DMD: variants seen among roughly 807,000 people sequenced by gnomAD.
DMD encodes mutant dystrophin.
DMD carries 63 observed loss-of-function variants against 330.1 expected under a neutral mutation model. The ratio of observed to expected loss-of-function variants is 0.19; its 90% CI spans 0.16 to 0.24. The LOEUF (loss-of-function observed/expected upper bound fraction) is 0.24. Among genes scored for constraint, DMD ranks in the 10% least tolerant of loss-of-function variants. The probability of loss-of-function intolerance (pLI) is 1.00; values close to 1 mark genes in which losing one functional copy is unlikely to be tolerated. For synonymous variants in DMD, 1,223 were observed against 959.8 expected, an observed-to-expected ratio of 1.27 and a Z score of -5.07; for missense variants, 3,344 against 2,684.1, an observed-to-expected ratio of 1.25 and a Z score of -5.43.
intron 23 of DMD, among the ~76,000 whole-genome samples, chrX:32,465,979 C>A (rs2039985800): frequency 9.0e-6 from 1 of 111,258 alleles, no homozygotes; most frequent in South Asian, 3.8e-4. Flanking sequence ...ACAGTGATGC[C>A]AGTAATCTCC....
chrX:33,196,331 G>T (rs1362506201), intron 1 of DMD, among the ~76,000 whole-genome samples: 1 of 111,319 alleles, frequency 9.0e-6, no homozygotes, highest in Non-Finnish European at 1.9e-5. Flanking sequence ...GACATGAGCA[G>T]ATGCCATACT....
intron 2 of DMD, among the ~76,000 whole-genome samples, chrX:32,887,573 C>A (rs2084730119): frequency 9.5e-6 from 1 of 104,958 alleles, no homozygotes; most frequent in Non-Finnish European, 1.9e-5. Context: ...CATGGCGAAA[C>A]CCCGTCTCTA....
At chrX:33,214,743 T>A (rs992750692), upstream of DMD, among the ~76,000 whole-genome samples, 1 of 111,964 alleles carries the variant, frequency 8.9e-6, no homozygotes, top group African/African-American at 3.2e-5. Flanking sequence ...AGTCTCAAAC[T>A]CCTGGGCTCA....
intron 20 of DMD, among the ~76,000 whole-genome samples, chrX:32,490,628 C>G (rs914394158): frequency 1.8e-5 from 2 of 111,305 alleles, no homozygotes; most frequent in Non-Finnish European, 3.8e-5. Flanking sequence ...TTAAGCCGGC[C>G]ATGCTGCTTT....
At chrX:32,613,473 T>TAGGAAG (rs1008957949) in intron 12 of DMD, among the ~76,000 whole-genome samples, 16 of 110,752 alleles carry the variant, frequency 1.4e-4, no homozygotes, top group African/African-American at 5.2e-4. Context: ...CGAGGGAGCA[T>TAGGAAG]AACTGGAAAT....
At chrX:32,608,187 C>T (rs930883439) in intron 12 of DMD, among the ~76,000 whole-genome samples, 1 of 109,482 alleles carries the variant, frequency 9.1e-6, no homozygotes, top group Non-Finnish European at 1.9e-5. Context: ...AGAATATGGG[C>T]ATGGATTTTA....
chrX:31,493,127 C>T (rs898733163), intron 57 of DMD, among the ~76,000 whole-genome samples: 1 of 111,902 alleles, frequency 8.9e-6, no homozygotes, highest in Non-Finnish European at 1.9e-5. Context: ...GGGAATACCA[C>T]TCTATTCTTT....
intron 48 of DMD, among the ~76,000 whole-genome samples, chrX:31,837,536 G>A (rs931007954): frequency 1.8e-5 from 2 of 112,007 alleles, no homozygotes; most frequent in African/African-American, 6.5e-5. Context: ...AGGAAGTGAA[G>A]TTAAATATTA....
At chrX:32,323,203 ATGAAG>A (rs1230052235) in intron 41 of DMD, among the ~76,000 whole-genome samples, 1 of 112,137 alleles carries the variant, frequency 8.9e-6, no homozygotes, top group Non-Finnish European at 1.9e-5. Flanking sequence ...TAGAGATGAT[ATGAAG>A]TGTTCAGGAG....
At chrX:32,669,956 A>G (rs946472913) in intron 9 of DMD, among the ~76,000 whole-genome samples, 1 of 111,561 alleles carries the variant, frequency 9.0e-6, no homozygotes, top group Non-Finnish European at 1.9e-5. Context: ...CGAAACGAAC[A>G]GTCACAAAAT....
At chrX:32,041,155 C>A (rs2095998682) in intron 44 of DMD, among the ~76,000 whole-genome samples, 1 of 112,213 alleles carries the variant, frequency 8.9e-6, no homozygotes, top group Non-Finnish European at 1.9e-5. Flanking sequence ...CTTGCATTTC[C>A]CGGATGCATT....
intron 2 of DMD, among the ~76,000 whole-genome samples, chrX:32,865,927 A>G: frequency 8.9e-6 from 1 of 112,179 alleles, no homozygotes; most frequent in Non-Finnish European, 1.9e-5. Flanking sequence ...TGTTCTTCTC[A>G]TGAAAAGTTG....
chrX:31,408,683 G>A (rs189803975), intron 60 of DMD, among the ~76,000 whole-genome samples: 6 of 108,959 alleles, frequency 5.5e-5, no homozygotes, highest in Admixed American at 3.9e-4. Context: ...ACAGGCGTGA[G>A]CCACTGCACC....
chrX:31,629,806 A>G (rs1320762570), intron 54 of DMD, among the ~76,000 whole-genome samples: 1 of 112,144 alleles, frequency 8.9e-6, no homozygotes, highest in Admixed American at 9.5e-5. Flanking sequence ...TGTGACCTAT[A>G]AAAGTGGCAG....
intron 7 of DMD, among the ~76,000 whole-genome samples, chrX:32,789,473 A>C (rs1375436942): frequency 1.8e-5 from 2 of 112,013 alleles, no homozygotes; most frequent in African/African-American, 6.5e-5. Flanking sequence ...AGCTTCTAAA[A>C]ATTGCTGATG....
rs1265857191 is a variant in DMD at position 32,890,380 on chromosome X, T to A, written c.94-40560A>T. 3.7e-5 allele frequency among the ~76,000 whole-genome samples: 4 copies of A among 107,457 alleles called. No individual in the cohort carries two copies. The East Asian group carries it at 1.2e-3, about 32-fold the overall frequency. The allele number at this position is 107,457 out of a possible 115,157, so 93.3% of individuals were successfully genotyped here. Reference sequence around the variant, plus strand: ...CCTAGATTCTTAAAGGACTCAAACTTTTCGCGGGGAAGGAAAGGCCAGTCT... The same window carrying A: ...CCTAGATTCTTAAAGGACTCAAACTATTCGCGGGGAAGGAAAGGCCAGTCT... On this transcript the variant is annotated intron_variant, in intron 2 of 78. Coordinates refer to ENST00000357033, the MANE Select transcript of DMD (RefSeq NM_004006.3).
chrX:32,725,834 T>C (rs1161027119), intron 7 of DMD, among the ~76,000 whole-genome samples: 3 of 111,023 alleles, frequency 2.7e-5, no homozygotes, highest in African/African-American at 6.5e-5. Context: ...CTCAGTATCA[T>C]TGGATTGTTT....
chrX:32,316,854 C>T (rs1027220494), intron 41 of DMD, among the ~76,000 whole-genome samples: 11 of 110,207 alleles, frequency 1.0e-4, no homozygotes, highest in African/African-American at 3.3e-4. Context: ...CACAGTCATG[C>T]GAATCTATAA....
intron 1 of DMD, among the ~76,000 whole-genome samples, chrX:33,066,547 A>G (rs188337012): frequency 1.8e-5 from 2 of 109,710 alleles, no homozygotes; most frequent in Non-Finnish European, 3.8e-5. Flanking sequence ...GTAGAATGGC[A>G]TAGAGCCCCC....
Sources: allele counts gnomAD v4.1 joint callset (sites outside exome capture counted in the v4.1 genomes callset), GRCh38; gene constraint gnomAD v4.1.1; transcripts MANE v1.5; gene names NCBI Gene and HGNC (gene_info 2026-07-23, HGNC 2026-07-21).